SPRED1: variants seen among roughly 807,000 people sequenced by gnomAD.
SPRED1 encodes the protein sprouty-related, EVH1 domain-containing protein 1.
A neutral mutation model predicts 52.3 loss-of-function variants in SPRED1; 18 were observed. The ratio of observed to expected loss-of-function variants is 0.34; its 90% CI spans 0.24 to 0.51. The LOEUF (loss-of-function observed/expected upper bound fraction) is 0.51. SPRED1 is among the 20% of genes least tolerant of loss of function. The probability of loss-of-function intolerance (pLI) is 0.97; values close to 1 mark genes in which losing one functional copy is unlikely to be tolerated. For missense variants in SPRED1, 485 were observed against 551.0 expected (o/e 0.88, Z 1.20); for synonymous variants, 155 against 179.7 (o/e 0.86, Z 1.10).
chr15:38,299,303 A>C (rs769323362), intron 1 of SPRED1, 70 bp from the exon 2 acceptor site: 1 of 1,545,348 alleles, frequency 6.5e-7, no homozygotes, highest in African/African-American at 1.4e-5. Context: ...TGGTTTCTCA[A>C]ACAAGACTGA....
At chr15:38,298,085 A>C (rs1895074836) in intron 1 of SPRED1, among the ~76,000 whole-genome samples, 1 of 152,214 alleles carries the variant, frequency 6.6e-6, no homozygotes, top group African/African-American at 2.4e-5. Flanking sequence ...AAGATAAACA[A>C]ATGGCCAAAA....
At chr15:38,336,126 A>G (rs2141004675) in intron 4 of SPRED1, among the ~76,000 whole-genome samples, 1 of 151,972 alleles carries the variant, frequency 6.6e-6, no homozygotes, top group East Asian at 1.9e-4. Flanking sequence ...TGTATATTAT[A>G]TTATTCCCAA....
At chr15:38,275,375 C>G (rs765891916) in intron 1 of SPRED1, among the ~76,000 whole-genome samples, 11 of 152,082 alleles carry the variant, frequency 7.2e-5, no homozygotes, top group Non-Finnish European at 1.5e-4. Flanking sequence ...CTTTTCTTGC[C>G]CAGCTTTGGA....
At position 38,351,666 on chromosome 15, in the gene SPRED1, A is replaced by C. The variant is rs769445247; in HGVS notation, c.*2A>C. ...GGGAAACATAAAGCTGCTGGATGAA[A>C]TGGTCCAGTGCCAAAATGAGCTTAA... On this transcript the variant is annotated 3_prime_UTR_variant, in exon 7 of 7. Coordinates refer to ENST00000299084, the MANE Select transcript of SPRED1 (RefSeq NM_152594.3). 6.2e-7 allele frequency: 1 copy of C among 1,611,318 alleles called. No individual in the cohort carries two copies. The highest frequency in any genetic ancestry group is 2.2e-5 in the East Asian group (1 of 44,882).
At chr15:38,293,482 C>G (rs1255142775) in intron 1 of SPRED1, among the ~76,000 whole-genome samples, 1 of 152,104 alleles carries the variant, frequency 6.6e-6, no homozygotes, top group Non-Finnish European at 1.5e-5. Flanking sequence ...TTAATATTTG[C>G]TCTAGTTTTT....
intron 5 of SPRED1, among the ~76,000 whole-genome samples, chr15:38,345,120 G>C (rs1896106254): frequency 1.3e-5 from 2 of 152,152 alleles, no homozygotes; most frequent in Non-Finnish European, 2.9e-5. Context: ...GTTTTTCCAT[G>C]GTAGAGAATC....
intron 1 of SPRED1, among the ~76,000 whole-genome samples, chr15:38,257,765 T>G (rs1415830708): frequency 6.6e-6 from 1 of 152,122 alleles, no homozygotes; most frequent in Admixed American, 6.6e-5. Context: ...GGTTCCACAT[T>G]AGTGCCAAGG....
intron 4 of SPRED1, 88 bp from the exon 5 acceptor site, chr15:38,339,649 A>G (rs2141007622): frequency 7.1e-7 from 1 of 1,403,364 alleles, no homozygotes; most frequent in Middle Eastern, 1.8e-4. Context: ...TTGACTTGCT[A>G]AATACTTTTT....
intron 1 of SPRED1, among the ~76,000 whole-genome samples, chr15:38,267,500 A>G (rs1028568747): frequency 2.8e-4 from 42 of 152,128 alleles, no homozygotes; most frequent in African/African-American, 9.7e-4. Flanking sequence ...ATTTTTTTCT[A>G]TCGTGGATTA....
rs1302885781 is a variant in SPRED1 at position 38,353,284 on chromosome 15, C to G, written c.*1620C>G. 6.6e-6 allele frequency: 1 copy of G among 152,274 alleles called. No individual in the cohort carries two copies. Among genetic ancestry groups the G allele is most frequent in the Non-Finnish European group, 1.5e-5 (1 of 67,840 alleles). 9.4% of individuals were successfully genotyped at this position (152,274 alleles called of 1,614,324 possible). A position where few individuals can be genotyped will look rare whatever the true frequency, so the allele number is the denominator to read the frequency against. ...CACTTAAGCTTGTGTTAGCTTTTTT[C>G]TTTTGCCCCAGATCAAACTGAACAA... is the stretch of plus-strand genomic sequence containing the variant. On this transcript the variant is annotated 3_prime_UTR_variant, in exon 7 of 7. Coordinates refer to ENST00000299084, the MANE Select transcript of SPRED1 (RefSeq NM_152594.3).
At chr15:38,330,467 A>T (rs145074133) in intron 4 of SPRED1, among the ~76,000 whole-genome samples, 3 of 152,262 alleles carry the variant, frequency 2.0e-5, no homozygotes, top group Non-Finnish European at 2.9e-5. Context: ...GTTGTGGCCA[A>T]ATTTAAAATG....
At chr15:38,323,887 A>T (rs561809617) in intron 3 of SPRED1, among the ~76,000 whole-genome samples, 1 of 152,196 alleles carries the variant, frequency 6.6e-6, no homozygotes, top group Non-Finnish European at 1.5e-5. Flanking sequence ...TTTCACTAGG[A>T]TCAAACAGAT....
At chr15:38,287,614 A>G (rs1894837302) in intron 1 of SPRED1, among the ~76,000 whole-genome samples, 1 of 152,122 alleles carries the variant, frequency 6.6e-6, no homozygotes, top group African/African-American at 2.4e-5. Flanking sequence ...CACATCTGTG[A>G]ATTGAGCCAG....
At chr15:38,271,751 A>G (rs971988398) in intron 1 of SPRED1, among the ~76,000 whole-genome samples, 1 of 152,180 alleles carries the variant, frequency 6.6e-6, no homozygotes, top group African/African-American at 2.4e-5. Context: ...TTATTTCATT[A>G]AAAAAATTTC....
intron 1 of SPRED1, among the ~76,000 whole-genome samples, chr15:38,288,687 G>A (rs1016996296): frequency 3.3e-5 from 5 of 152,192 alleles, no homozygotes; most frequent in Non-Finnish European, 7.4e-5. Flanking sequence ...TAAGCAGTAA[G>A]AGAGGTGGTC....
intron 1 of SPRED1, among the ~76,000 whole-genome samples, chr15:38,280,790 A>G (rs1894670301): frequency 6.6e-6 from 1 of 152,162 alleles, no homozygotes; most frequent in Admixed American, 6.5e-5. Flanking sequence ...CTACTTGTGA[A>G]CTCTATAGAT....
chr15:38,292,924 A>T (rs1373668734), intron 1 of SPRED1, among the ~76,000 whole-genome samples: 1 of 152,134 alleles, frequency 6.6e-6, no homozygotes, highest in Non-Finnish European at 1.5e-5. Flanking sequence ...TTAATATATT[A>T]AGTCATTGTA....
intron 2 of SPRED1, among the ~76,000 whole-genome samples, chr15:38,315,023 A>G (rs1175613325): frequency 6.6e-6 from 1 of 151,926 alleles, no homozygotes; most frequent in East Asian, 1.9e-4. Flanking sequence ...GACAATTGTA[A>G]AAACATGTAT....
At chr15:38,273,972 T>A (rs1464743611) in intron 1 of SPRED1, among the ~76,000 whole-genome samples, 1 of 152,192 alleles carries the variant, frequency 6.6e-6, no homozygotes, top group African/African-American at 2.4e-5. Context: ...ACTACTTCTA[T>A]TTTGACAACC....
Sources: allele counts gnomAD v4.1 joint callset (sites outside exome capture counted in the v4.1 genomes callset), GRCh38; gene constraint gnomAD v4.1.1; transcripts MANE v1.5; gene names NCBI Gene and HGNC (gene_info 2026-07-23, HGNC 2026-07-21).